The following PARP8 variants were observed in gnomAD, a reference collection of about 807,000 sequenced individuals.
PARP8 encodes poly(ADP-ribose) polymerase family member 8, also known as protein mono-ADP-ribosyltransferase PARP8.
A neutral mutation model predicts 124.1 loss-of-function variants in PARP8; 51 were observed. The ratio of observed to expected loss-of-function variants is 0.41; its 90% confidence interval spans 0.33 to 0.52. The LOEUF is 0.52. PARP8 is among the 20% of genes least tolerant of loss of function. The probability of loss-of-function intolerance (pLI) is 0.21; values close to 1 mark genes in which losing one functional copy is unlikely to be tolerated. For synonymous variants in PARP8, 391 were observed against 361.5 expected (o/e 1.08, Z -0.93); for missense variants, 860 against 1,018.9 (o/e 0.84, Z 2.12).
intron 3 of PARP8, among the ~76,000 whole-genome samples, chr5:50,758,412 G>A (rs1248332205): frequency 6.6e-6 from 1 of 152,172 alleles, no homozygotes; most frequent in East Asian, 1.9e-4. Context: ...CAGCTAACCT[G>A]TACATACAGA....
chr5:50,740,801 A>AG (rs1246968275), intron 2 of PARP8, among the ~76,000 whole-genome samples: 1 of 147,752 alleles, frequency 6.8e-6, no homozygotes, highest in Non-Finnish European at 1.5e-5. Flanking sequence ...CAATAGAGTG[A>AG]GACCTTTTCT....
At position 50,793,206 on chromosome 5, in the gene PARP8, C is replaced by A. The variant is rs146122474; in HGVS notation, c.738-1001C>A. Among the ~76,000 whole-genome samples the A allele has an allele frequency of 2.4e-4, 37 of 152,250 alleles. No individual in the cohort carries two copies. The East Asian group carries it at 6.6e-3, about 27-fold the overall frequency. ...GTAAGTGGGAAACAAATATTGGTAT[C>A]ATTTTCCTGATCCCAAAGCAATGTG... On this transcript the variant is annotated intron_variant, in intron 10 of 25. Coordinates refer to ENST00000281631, the MANE Select transcript of PARP8 (RefSeq NM_024615.4).
intron 2 of PARP8, among the ~76,000 whole-genome samples, chr5:50,696,963 A>G (rs1753097226): frequency 2.0e-5 from 3 of 152,128 alleles, no homozygotes; most frequent in South Asian, 2.1e-4. Context: ...CCACTCAGCT[A>G]GGACATTAAG....
intron 3 of PARP8, chr5:50,757,124 G>T (rs565415989): frequency 4.4e-6 from 2 of 454,852 alleles, no homozygotes; most frequent in Non-Finnish European, 8.8e-6. Flanking sequence ...CTTAGCTATT[G>T]TGAATACTGC....
Position 50,821,308 on chromosome 5 carries a change from T to C in PARP8, c.1764T>C (p.Asn588=), listed in dbSNP as rs779893897. 3.7e-6 allele frequency: 6 copies of C among 1,614,024 alleles called. No individual in the cohort carries two copies. In the African/African-American group the frequency reaches 5.3e-5, roughly 14 times the overall value. ...CATATCCTTCTGTGGTAGATCCTAA[T>C]GATCCTCAGATGTTGGCCTTCAACC... ...FEPYPSVVDP[N]DPQMLAFNPR... The change falls in exon 16 of 26, where the codon AAT becomes AAC. Residue 588 remains asparagine, a synonymous_variant. Transcript: ENST00000281631.
At chr5:50,688,742 A>T (rs1752150635) in intron 2 of PARP8, among the ~76,000 whole-genome samples, 1 of 152,226 alleles carries the variant, frequency 6.6e-6, no homozygotes, top group African/African-American at 2.4e-5. Flanking sequence ...CTCTTGAAGT[A>T]TTATAGTATT....
chr5:50,694,383 ATTAATTTGCATTTAT>A (rs1229746843), intron 2 of PARP8, among the ~76,000 whole-genome samples: 4 of 151,806 alleles, frequency 2.6e-5, no homozygotes, highest in East Asian at 1.9e-4. Context: ...TGATTTGATT[ATTAATTTGCATTTAT>A]TTAATTTGCA....
At chr5:50,815,310 T>C in intron 14 of PARP8, 122 bp from the exon 15 acceptor site, 1 of 638,614 alleles carries the variant, frequency 1.6e-6, no homozygotes, top group Non-Finnish European at 2.5e-6. Context: ...AATGGTATGA[T>C]TTCCTTTTTA....
At chr5:50,740,811 T>TC in intron 2 of PARP8, among the ~76,000 whole-genome samples, 1 of 131,976 alleles carries the variant, frequency 7.6e-6, no homozygotes, top group South Asian at 2.6e-4. Context: ...AGACCTTTTC[T>TC]CAAAAGAAAA....
chr5:50,751,742 G>A (rs1247081071), intron 3 of PARP8, among the ~76,000 whole-genome samples: 3 of 152,110 alleles, frequency 2.0e-5, no homozygotes, highest in Non-Finnish European at 4.4e-5. Flanking sequence ...AAAACATGTA[G>A]TTTGGTGATA....
chr5:50,721,844 A>G (rs973956544), intron 2 of PARP8, among the ~76,000 whole-genome samples: 2 of 152,150 alleles, frequency 1.3e-5, no homozygotes, highest in African/African-American at 4.8e-5. Context: ...CTTAATGATT[A>G]AAAAACTGCT....
At chr5:50,768,866 G>A (rs1277853977) in intron 7 of PARP8, among the ~76,000 whole-genome samples, 1 of 152,014 alleles carries the variant, frequency 6.6e-6, no homozygotes, top group Non-Finnish European at 1.5e-5. Context: ...ATATAAAAAG[G>A]GCATCACAAC....
chr5:50,772,976 G>A (rs150932612), intron 7 of PARP8, among the ~76,000 whole-genome samples: 1 of 152,304 alleles, frequency 6.6e-6, no homozygotes, highest in Non-Finnish European at 1.5e-5. Context: ...GGGATTACAG[G>A]CATGAGCCAC....
At chr5:50,805,059 A>T (rs992850845) in intron 14 of PARP8, among the ~76,000 whole-genome samples, 3 of 152,118 alleles carry the variant, frequency 2.0e-5, no homozygotes, top group African/African-American at 7.2e-5. Flanking sequence ...CCAGAATACC[A>T]AAAGAGTTGA....
chr5:50,739,030 G>C (rs765991931), intron 2 of PARP8: 2 of 702,426 alleles, frequency 2.8e-6, no homozygotes, highest in African/African-American at 3.5e-5. Context: ...AACCAGCAGA[G>C]ACCAGAGCTG....
intron 2 of PARP8, among the ~76,000 whole-genome samples, chr5:50,735,691 A>G (rs1391903104): frequency 1.3e-5 from 2 of 152,196 alleles, no homozygotes; most frequent in East Asian, 3.8e-4. Context: ...CTGCACATAT[A>G]TTGAGCATCT....
chr5:50,816,311 A>G (rs1745097952), intron 15 of PARP8, among the ~76,000 whole-genome samples: 2 of 152,130 alleles, frequency 1.3e-5, no homozygotes, highest in Admixed American at 1.3e-4. Context: ...ACGGGGAAAA[A>G]TTGGTTTAGC....
intron 22 of PARP8, among the ~76,000 whole-genome samples, chr5:50,830,531 C>T (rs1183007950): frequency 8.5e-5 from 13 of 152,282 alleles, no homozygotes; most frequent in Admixed American, 3.3e-4. Context: ...GTTAGCATTA[C>T]TTATCCTTGG....
At chr5:50,808,052 TTCTTATTTTCCAAGTG>T (rs1205260064) in intron 14 of PARP8, among the ~76,000 whole-genome samples, 2 of 151,922 alleles carry the variant, frequency 1.3e-5, no homozygotes, top group African/African-American at 2.4e-5. Context: ...GTAACTAAGG[TTCTTATTTTCCAAGTG>T]AAATTAAGAA....
Sources: gnomAD v4.1 joint callset for allele counts (sites outside exome capture counted in the v4.1 genomes callset) on GRCh38, gnomAD v4.1.1 for gene constraint, MANE v1.5 for transcripts, NCBI Gene and HGNC (gene_info 2026-07-23, HGNC 2026-07-21) for gene names.